The following RGS3 variants were observed in gnomAD, a reference collection of about 807,000 sequenced individuals.
The protein encoded by RGS3 is regulator of G protein signaling 3, also known as regulator of G-protein signalling 3.
RGS3 carries 80 observed loss-of-function variants against 132.6 expected under a neutral mutation model. The observed-to-expected ratio is 0.60, with a 90% CI of 0.50 to 0.73. RGS3 has a LOEUF of 0.73. Among genes scored for constraint, RGS3 ranks in the 30% least tolerant of loss-of-function variants. RGS3 has a pLI of 0.00. For synonymous variants in RGS3, 598 were observed against 620.6 expected, an observed-to-expected ratio of 0.96 and a Z score of 0.54; for missense variants, 1,382 against 1,530.8, an observed-to-expected ratio of 0.90 and a Z score of 1.62.
rs534030092 is a variant in RGS3 at position 113,591,370 on chromosome 9, C to A, written c.3053C>A (p.Ala1018Asp). 6.2e-7 allele frequency: 1 copy of A among 1,613,668 alleles called. No individual in the cohort carries two copies. The highest frequency in any genetic ancestry group is 1.7e-5 in the Admixed American group (1 of 60,030). Residue 1018 changes from alanine (A) to aspartate (D), a missense_variant, in exon 21 of 25, where the codon GCC becomes GAC. Ala to Asp is a moderately radical substitution (Grantham distance 126). Coordinates refer to ENST00000350696, the Ensembl canonical transcript of RGS3. The surrounding 1 kb of genome is among the most constrained non-coding windows in gnomAD (Gnocchi z 4.4). Reference sequence around the variant, plus strand: ...GACACCGTTGGGGATGATGACGAAGCCTCCCGGAAGAGAAAGAGCAAAAAC... The same window carrying A: ...GACACCGTTGGGGATGATGACGAAGACTCCCGGAAGAGAAAGAGCAAAAAC...
intron 17 of RGS3, among the ~76,000 whole-genome samples, chr9:113,528,492 T>C (rs888677384): frequency 6.6e-6 from 1 of 152,234 alleles, no homozygotes; most frequent in Non-Finnish European, 1.5e-5. Context: ...TCCCAGAAGC[T>C]GGGTGTCATC....
intron 1 of RGS3, among the ~76,000 whole-genome samples, chr9:113,454,683 CTTTTTTTTTTT>C (rs772993021): frequency 2.5e-5 from 3 of 121,282 alleles, no homozygotes; most frequent in Non-Finnish European, 5.2e-5. Context: ...TGCTTTTAAA[CTTTTTTTTTTT>C]TTTTTTTTTT....
In RGS3 at chr9:113,565,444, A is replaced by T; in HGVS notation, c.2038-18006A>T. On this transcript the variant is annotated intron_variant, in intron 19 of 24. Transcript: ENST00000350696. The surrounding 1 kb of genome is among the most constrained non-coding windows in gnomAD (Gnocchi z 5.7). ...GGAGGAAGAGGAGGAGGGACGGGTG[A>T]TGCAAGGGTTTTGAAAGCGCTACCT... is the stretch of plus-strand genomic sequence containing the variant. 1 of 1,217,132 alleles carries T rather than the reference A, an allele frequency of 8.2e-7. No individual in the cohort carries two copies. Among genetic ancestry groups the T allele is most frequent in the South Asian group, 1.3e-5 (1 of 79,526 alleles). The allele number at this position is 1,217,132 out of a possible 1,614,324, so 75.4% of individuals were successfully genotyped here.
chr9:113,570,513 A>G (rs931531389), intron 19 of RGS3, among the ~76,000 whole-genome samples: 3 of 151,876 alleles, frequency 2.0e-5, no homozygotes, highest in African/African-American at 7.3e-5. Flanking sequence ...ACTTCCAGAA[A>G]AATTAGAAGA....
At chr9:113,497,136 A>G (rs1364333839) in intron 8 of RGS3, among the ~76,000 whole-genome samples, 178 bp from the exon 7 acceptor site, 1 of 152,134 alleles carries the variant, frequency 6.6e-6, no homozygotes, top group Non-Finnish European at 1.5e-5. Flanking sequence ...ATCTGCCCTG[A>G]GCATCACGGA....
intron 18 of RGS3, among the ~76,000 whole-genome samples, chr9:113,532,378 AAGAG>A (rs57797072): frequency 1.3e-5 from 2 of 150,518 alleles, no homozygotes; most frequent in African/African-American, 4.9e-5. Flanking sequence ...TGGCTTGGCC[AAGAG>A]AGAGAGAGAC....
chr9:113,512,857 C>T (rs927137350), intron 14 of RGS3, among the ~76,000 whole-genome samples: 8 of 152,160 alleles, frequency 5.3e-5, no homozygotes, highest in African/African-American at 1.9e-4. Flanking sequence ...GACTTTTTAG[C>T]GACTTTGTGT....
intron 16 of RGS3, among the ~76,000 whole-genome samples, chr9:113,519,351 C>T (rs1831826204): frequency 6.6e-6 from 1 of 152,140 alleles, no homozygotes; most frequent in Admixed American, 6.5e-5. Flanking sequence ...CCTTATAGAT[C>T]TCTGGAGACT....
intron 1 of RGS3, among the ~76,000 whole-genome samples, chr9:113,452,831 T>C (rs935275924): frequency 2.7e-5 from 4 of 148,076 alleles, no homozygotes; most frequent in Non-Finnish European, 4.4e-5. Context: ...TAATCCCACC[T>C]TTTGTGTTTT....
At chr9:113,520,485 CA>C (rs1831892093) in intron 16 of RGS3, among the ~76,000 whole-genome samples, 1 of 152,158 alleles carries the variant, frequency 6.6e-6, no homozygotes, top group South Asian at 2.1e-4. Context: ...GGTTCTTCCC[CA>C]GTTGCTGGTG....
intron 20 of RGS3, among the ~76,000 whole-genome samples, chr9:113,585,029 G>A (rs1397756195): frequency 2.6e-5 from 4 of 152,128 alleles, no homozygotes; most frequent in African/African-American, 4.8e-5. Context: ...CCACCACACC[G>A]TTTGCCTCTC....
exon 2 of RGS3, chr9:113,461,762 G>A (rs756503972): frequency 3.7e-6 from 6 of 1,614,168 alleles, no homozygotes; most frequent in Non-Finnish European, 1.7e-6. Context: ...TCACCGTCCT[G>A]AGTGTTGTAC....
chr9:113,510,350 G>C (rs1831351053), intron 14 of RGS3, among the ~76,000 whole-genome samples: 2 of 152,252 alleles, frequency 1.3e-5, no homozygotes, highest in African/African-American at 4.8e-5. Flanking sequence ...TTAGAGTGGA[G>C]ATGCTGCAGC....
At chr9:113,465,917 G>A (rs904641181) in intron 3 of RGS3, among the ~76,000 whole-genome samples, 2 of 152,168 alleles carry the variant, frequency 1.3e-5, no homozygotes, top group Admixed American at 6.5e-5. Context: ...ATTTGTCGTG[G>A]TGCCCCTCTT....
chr9:113,445,540 G>T (rs552801327), intron 1 of RGS3, among the ~76,000 whole-genome samples: 33 of 152,082 alleles, frequency 2.2e-4, no homozygotes, highest in Non-Finnish European at 4.6e-4. Flanking sequence ...AGTGACACCT[G>T]GCCCAGTTTG....
At chr9:113,542,634 A>G (rs1251318021) in intron 19 of RGS3, among the ~76,000 whole-genome samples, 1 of 152,154 alleles carries the variant, frequency 6.6e-6, no homozygotes, top group Admixed American at 6.5e-5. Flanking sequence ...AGTGAGGATT[A>G]GGACCTTCCC....
chr9:113,502,811 C>T (rs1830957897), intron 10 of RGS3, among the ~76,000 whole-genome samples: 1 of 152,168 alleles, frequency 6.6e-6, no homozygotes, highest in African/African-American at 2.4e-5. Context: ...AGCTTTTTGT[C>T]AGGTCTGAGC....
At chr9:113,473,824 C>T (rs1480947631) in intron 3 of RGS3, among the ~76,000 whole-genome samples, 1 of 152,304 alleles carries the variant, frequency 6.6e-6, no homozygotes, top group East Asian at 1.9e-4. Flanking sequence ...TAGTAAACAT[C>T]TAAGAAACAT....
chr9:113,503,998 C>T (rs535425473), intron 10 of RGS3, among the ~76,000 whole-genome samples: 4 of 152,198 alleles, frequency 2.6e-5, no homozygotes, highest in Admixed American at 1.3e-4. Context: ...CCTCCCCCTT[C>T]CCCTTGTCTG....
Sources: gnomAD v4.1 joint callset for allele counts (sites outside exome capture counted in the v4.1 genomes callset) on GRCh38, gnomAD v4.1.1 for gene constraint, Gnocchi (gnomAD v3.1) non-coding constraint, MANE v1.5 for transcripts, NCBI Gene and HGNC (gene_info 2026-07-23, HGNC 2026-07-21) for gene names.